The following ASIC2 variants were observed in gnomAD, a reference collection of about 807,000 sequenced individuals.
ASIC2 encodes acid sensing ion channel subunit 2.
ASIC2 carries 25 observed loss-of-function variants against 57.3 expected under a neutral mutation model. That is an observed-to-expected ratio of 0.44 (90% CI 0.32 to 0.61). The LOEUF (loss-of-function observed/expected upper bound fraction) is 0.61. Ranked by LOEUF, ASIC2 falls within the 20% of genes least tolerant of loss-of-function variation. ASIC2 has a pLI of 0.06. For missense variants in ASIC2, 641 were observed against 738.1 expected, an observed-to-expected ratio of 0.87 and a Z score of 1.52; for synonymous variants, 319 against 307.5, an observed-to-expected ratio of 1.04 and a Z score of -0.39.
intron 1 of ASIC2, among the ~76,000 whole-genome samples, chr17:33,350,797 G>A (rs886777590): frequency 2.4e-4 from 36 of 151,944 alleles, no homozygotes; most frequent in African/African-American, 8.7e-4. Flanking sequence ...CTAAGAATCT[G>A]ATGATCTTTT....
chr17:33,754,934 G>A (rs369006620), intron 1 of ASIC2, among the ~76,000 whole-genome samples: 24 of 128,784 alleles, frequency 1.9e-4, no homozygotes, highest in African/African-American at 5.8e-4. Context: ...CTCCAGCCTG[G>A]GCAACAGAGC....
chr17:33,474,652 C>T (rs967444900), intron 1 of ASIC2, among the ~76,000 whole-genome samples: 1 of 152,138 alleles, frequency 6.6e-6, no homozygotes, highest in Admixed American at 6.5e-5. Context: ...GCCCTTTCTT[C>T]CCTCTGACAT....
chr17:33,206,574 G>A (rs758993202), intron 1 of ASIC2, among the ~76,000 whole-genome samples: 5 of 152,222 alleles, frequency 3.3e-5, no homozygotes, highest in South Asian at 2.1e-4. Context: ...GTGGTGTCCC[G>A]TGACTCTGCT....
At chr17:33,111,500 T>C (rs1391515337) in intron 2 of ASIC2, among the ~76,000 whole-genome samples, 1 of 152,148 alleles carries the variant, frequency 6.6e-6, no homozygotes. Context: ...CCCCTCCAGC[T>C]TCCCCCAGTG....
At chr17:34,092,286 AT>A (rs530128773) in intron 1 of ASIC2, among the ~76,000 whole-genome samples, 18 of 152,246 alleles carry the variant, frequency 1.2e-4, no homozygotes, top group Non-Finnish European at 2.4e-4. Context: ...GCAAAGTGGT[AT>A]TGGCCAGATG....
At chr17:33,073,950 C>A (rs2092079348) in intron 3 of ASIC2, among the ~76,000 whole-genome samples, 1 of 152,082 alleles carries the variant, frequency 6.6e-6, no homozygotes, top group Non-Finnish European at 1.5e-5. Flanking sequence ...GGAGAGGGAT[C>A]TGAGGAGAGA....
intron 1 of ASIC2, among the ~76,000 whole-genome samples, chr17:33,681,759 T>G (rs1567687633): frequency 6.6e-6 from 1 of 152,174 alleles, no homozygotes. Flanking sequence ...TATTCTGGTG[T>G]CGTGCACATA....
intron 3 of ASIC2, among the ~76,000 whole-genome samples, chr17:33,087,260 C>T (rs1480203522): frequency 6.6e-6 from 1 of 152,182 alleles, no homozygotes; most frequent in Non-Finnish European, 1.5e-5. Flanking sequence ...TCATGCCCTC[C>T]TTTGTCCTCA....
intron 1 of ASIC2, chr17:34,070,184 C>G (rs1277857999): frequency 6.6e-6 from 1 of 152,078 alleles, no homozygotes; most frequent in Admixed American, 6.5e-5. Context: ...CTAAGTTAAG[C>G]TGGTGCACGA....
chr17:33,318,646 T>C (rs1009854866), intron 1 of ASIC2, among the ~76,000 whole-genome samples: 2 of 152,204 alleles, frequency 1.3e-5, no homozygotes, highest in Non-Finnish European at 2.9e-5. Flanking sequence ...TTATTTTCCT[T>C]CTTTGCTCTA....
chr17:33,128,456 G>A (rs1016992384), intron 1 of ASIC2, among the ~76,000 whole-genome samples: 1 of 152,324 alleles, frequency 6.6e-6, no homozygotes, highest in Admixed American at 6.5e-5. Context: ...GAATGGGGAT[G>A]GAGACTTGCA....
intron 1 of ASIC2, among the ~76,000 whole-genome samples, chr17:33,269,781 T>TC (rs1597659507): frequency 2.0e-5 from 3 of 150,760 alleles, no homozygotes; most frequent in African/African-American, 4.9e-5. Context: ...CTTCTTTCCT[T>TC]TTTCTAGTTT....
At chr17:33,564,069 G>A (rs1567651759) in intron 1 of ASIC2, among the ~76,000 whole-genome samples, 2 of 152,248 alleles carry the variant, frequency 1.3e-5, no homozygotes, top group East Asian at 1.9e-4. Flanking sequence ...GTGGTGGGAG[G>A]AGCACCGCGG....
chr17:33,432,939 T>C (rs1460261358), intron 1 of ASIC2, among the ~76,000 whole-genome samples: 1 of 152,150 alleles, frequency 6.6e-6, no homozygotes, highest in Non-Finnish European at 1.5e-5. Context: ...AAGGAACACT[T>C]ACGCACCGTT....
At chr17:33,226,109 C>A (rs1007124717) in intron 1 of ASIC2, among the ~76,000 whole-genome samples, 1 of 152,162 alleles carries the variant, frequency 6.6e-6, no homozygotes, top group African/African-American at 2.4e-5. Flanking sequence ...GAACCCCACA[C>A]AACAAAGACA....
rs537032262 is a variant in ASIC2, at chr17:33,015,266, C to T, written c.1590+705G>A. 8.5e-4 allele frequency among the ~76,000 whole-genome samples: 129 copies of T among 152,246 alleles called. 1 individual carries two copies. Among genetic ancestry groups the T allele is most frequent in the African/African-American group, 2.9e-3 (121 of 41,514 alleles). On this transcript the variant is annotated intron_variant, in intron 9 of 9. Transcript: ENST00000225823. ...CCCAAGGCTGGATGGGGAAAGCTGG[C>T]GACACCTGCACCCATCAGCGAAGGC...
At chr17:33,759,607 T>C (rs1910718123) in intron 1 of ASIC2, among the ~76,000 whole-genome samples, 1 of 152,014 alleles carries the variant, frequency 6.6e-6, no homozygotes, top group Non-Finnish European at 1.5e-5. Context: ...CCATCACAGG[T>C]TCAGAGGCCT....
chr17:33,396,621 C>T (rs1468750018), intron 1 of ASIC2, among the ~76,000 whole-genome samples: 1 of 152,042 alleles, frequency 6.6e-6, no homozygotes, highest in Non-Finnish European at 1.5e-5. Context: ...TAGAAGTGGC[C>T]CCCAAATAAT....
intron 3 of ASIC2, among the ~76,000 whole-genome samples, chr17:33,042,657 A>G (rs1191675761): frequency 2.0e-5 from 3 of 152,220 alleles, no homozygotes; most frequent in Non-Finnish European, 4.4e-5. Context: ...CTCTGGTCAC[A>G]TTGGACAGTA....
Sources: allele counts gnomAD v4.1 joint callset (sites outside exome capture counted in the v4.1 genomes callset), GRCh38; gene constraint gnomAD v4.1.1; transcripts MANE v1.5; gene names NCBI Gene and HGNC (gene_info 2026-07-23, HGNC 2026-07-21).